Variants in DDX60 observed in about 807,000 individuals in gnomAD.
DDX60 encodes DExD/H-box helicase 60, also known as probable ATP-dependent RNA helicase DDX60.
Under a neutral mutation model 212.8 loss-of-function variants are expected in DDX60, and 165 were observed. That is an observed-to-expected ratio of 0.78 (90% CI 0.68 to 0.88). DDX60 has a LOEUF of 0.88. DDX60 is among the 40% of genes least tolerant of loss of function. The probability of loss-of-function intolerance (pLI) is 0.00; values close to 1 mark genes in which losing one functional copy is unlikely to be tolerated. For missense variants in DDX60, 1,905 were observed against 2,003.9 expected, an observed-to-expected ratio of 0.95 and a Z score of 0.94; for synonymous variants, 703 against 685.3, an observed-to-expected ratio of 1.03 and a Z score of -0.40.
At chr4:168,272,786 T>C (rs972446709) in intron 18 of DDX60, among the ~76,000 whole-genome samples, 4 of 152,216 alleles carry the variant, frequency 2.6e-5, no homozygotes, top group Non-Finnish European at 5.9e-5. Context: ...TCTCCATGTC[T>C]ACCATGCAAT....
chr4:168,279,797 AAGAACCTGAAGC>A (rs1319171509), intron 14 of DDX60, among the ~76,000 whole-genome samples: 1 of 152,238 alleles, frequency 6.6e-6, no homozygotes, highest in East Asian at 1.9e-4. Flanking sequence ...GAGGAAGATG[AAGAACCTGAAGC>A]AGAACCTGAA....
intron 1 of DDX60, among the ~76,000 whole-genome samples, chr4:168,313,492 A>G (rs1737231638): frequency 6.6e-6 from 1 of 152,136 alleles, no homozygotes; most frequent in Admixed American, 6.6e-5. Flanking sequence ...CACCCATTTC[A>G]TGCAATCCTC....
At chr4:168,261,091 G>C (rs1579012202) in intron 24 of DDX60, 102 bp from the exon 25 acceptor site, 2 of 1,321,616 alleles carry the variant, frequency 1.5e-6, no homozygotes, top group East Asian at 4.9e-5. Flanking sequence ...ATATGTTTTT[G>C]GGTTTTTTTA....
intron 35 of DDX60, among the ~76,000 whole-genome samples, chr4:168,222,677 T>G (rs1012070639): frequency 6.6e-6 from 1 of 152,262 alleles, no homozygotes; most frequent in South Asian, 2.1e-4. Flanking sequence ...TGAGACTTGT[T>G]TGGCACAGCT....
At chr4:168,247,723 T>TA (rs1292780181) in intron 29 of DDX60, among the ~76,000 whole-genome samples, 1 of 152,138 alleles carries the variant, frequency 6.6e-6, no homozygotes. Flanking sequence ...AAAAATCAAA[T>TA]ACCTCTATGG....
intron 7 of DDX60, among the ~76,000 whole-genome samples, chr4:168,293,014 T>C (rs7696923): frequency 0.36 from 55,348 of 152,098 alleles, 10,493 homozygotes; most frequent in African/African-American, 0.47. Flanking sequence ...ACTTCATTTC[T>C]CTTTAATAGA....
chr4:168,223,231 C>T (rs940398972), intron 35 of DDX60, among the ~76,000 whole-genome samples: 1 of 151,956 alleles, frequency 6.6e-6, no homozygotes, highest in Non-Finnish European at 1.5e-5. Flanking sequence ...TGCTTTAGAA[C>T]TTATCTATAT....
intron 35 of DDX60, 95 bp from the exon 36 acceptor site, chr4:168,221,976 C>A: frequency 7.7e-7 from 1 of 1,301,038 alleles, no homozygotes; most frequent in Non-Finnish European, 1.0e-6. Flanking sequence ...CTTTAGTTAC[C>A]ATTTTTAAAG....
At chr4:168,305,573 G>C (rs191729550) in intron 5 of DDX60, among the ~76,000 whole-genome samples, 2 of 148,680 alleles carry the variant, frequency 1.3e-5, no homozygotes, top group East Asian at 3.9e-4. Context: ...ATATGGTACC[G>C]TATTGTCTTA....
intron 19 of DDX60, among the ~76,000 whole-genome samples, chr4:168,271,322 C>A (rs1735088560): frequency 6.6e-6 from 1 of 152,210 alleles, no homozygotes; most frequent in African/African-American, 2.4e-5. Flanking sequence ...CAAAAGGACT[C>A]TTATGATTTC....
intron 1 of DDX60, among the ~76,000 whole-genome samples, chr4:168,313,758 T>C (rs1361627981): frequency 6.6e-6 from 1 of 152,190 alleles, no homozygotes; most frequent in Non-Finnish European, 1.5e-5. Context: ...ACAAAATCAA[T>C]AGCTAACCGT....
chr4:168,282,584 T>C (rs10030805), intron 13 of DDX60, among the ~76,000 whole-genome samples: 56,234 of 151,926 alleles, frequency 0.37, 10,799 homozygotes, highest in African/African-American at 0.47. Flanking sequence ...GTACTTTCTC[T>C]AATATACTAA....
intron 37 of DDX60, chr4:168,220,417 G>C: frequency 3.1e-6 from 1 of 321,894 alleles, no homozygotes; most frequent in Non-Finnish European, 5.7e-6. Context: ...CTGGGGCTGA[G>C]ACTCTAGTCT....
rs112738518 is a variant in DDX60 at position 168,290,369 on chromosome 4, C to T, written c.1041+1379G>A. ...TTTGAGACGGAGCCTCGCTCTGTCACCCAGGCTGGAGTACAGTGGTGCGAT... is the reference window on the plus strand; with the variant it reads ...TTTGAGACGGAGCCTCGCTCTGTCATCCAGGCTGGAGTACAGTGGTGCGAT... On this transcript the variant is annotated intron_variant, in intron 8 of 37. Coordinates refer to ENST00000393743, the MANE Select transcript of DDX60 (RefSeq NM_017631.6). 4.9e-3 allele frequency among the ~76,000 whole-genome samples: 740 copies of T among 149,642 alleles called. 8 individuals are homozygous for T. The highest frequency in any genetic ancestry group is 0.017 in the African/African-American group (701 of 40,698).
chr4:168,228,288 T>C (rs1421357747), intron 33 of DDX60, among the ~76,000 whole-genome samples: 1 of 152,122 alleles, frequency 6.6e-6, no homozygotes, highest in Non-Finnish European at 1.5e-5. Context: ...CAAAATGTCA[T>C]TGTGTGGCAC....
At chr4:168,265,514 T>C (rs1734803931) in intron 22 of DDX60, 1 of 152,172 alleles carries the variant, frequency 6.6e-6, no homozygotes, top group African/African-American at 2.4e-5. Context: ...TCTAGACATC[T>C]TAAGAAGACT....
At chr4:168,291,280 CA>C (rs1437968655) in intron 8 of DDX60, among the ~76,000 whole-genome samples, 1 of 151,422 alleles carries the variant, frequency 6.6e-6, no homozygotes, top group Non-Finnish European at 1.5e-5. Context: ...AAGAATAAAC[CA>C]AAATGTTAAC....
At chr4:168,320,269 G>C (rs1426652175), upstream of DDX60, among the ~76,000 whole-genome samples, 1 of 152,156 alleles carries the variant, frequency 6.6e-6, no homozygotes, top group East Asian at 1.9e-4. Flanking sequence ...CCTTACCCGG[G>C]ATTATCCAGG....
Position 168,224,433 on chromosome 4 carries a change from T to C in DDX60, c.4682-48A>G, listed in dbSNP as rs753231784. On this transcript the variant is annotated intron_variant, in intron 34 of 37. Coordinates refer to ENST00000393743, the MANE Select transcript of DDX60 (RefSeq NM_017631.6). ...GATTAGTGTTTTGAACTCAGTCAAA[T>C]TGTCAAACCTCAGATACTTTCTCTA... 5.7e-6 allele frequency: 9 copies of C among 1,575,106 alleles called. No homozygotes were observed. The East Asian group carries it at 6.8e-5, about 12-fold the overall frequency.
Sources: allele counts gnomAD v4.1 joint callset (sites outside exome capture counted in the v4.1 genomes callset), GRCh38; gene constraint gnomAD v4.1.1; transcripts MANE v1.5; gene names NCBI Gene and HGNC (gene_info 2026-07-23, HGNC 2026-07-21).